GSE1: variants seen among roughly 807,000 people sequenced by gnomAD.
GSE1 encodes the protein Gse1 coiled-coil protein.
GSE1 carries 32 observed loss-of-function variants against 112.6 expected under a neutral mutation model. That is an observed-to-expected ratio of 0.28 (90% CI 0.21 to 0.38). The LOEUF is 0.38. GSE1 is among the 10% of genes least tolerant of loss of function. The pLI is 1.00. For synonymous variants in GSE1, 1,115 were observed against 735.6 expected (o/e 1.52, Z -8.35); for missense variants, 2,348 against 1,699.2 (o/e 1.38, Z -6.71).
intron 2 of GSE1, among the ~76,000 whole-genome samples, chr16:85,530,348 TC>T (rs1055528373): frequency 4.6e-5 from 7 of 152,224 alleles, no homozygotes; most frequent in African/African-American, 1.4e-4. Context: ...ATGTATCTCC[TC>T]CCCGGTGATG....
intron 2 of GSE1, among the ~76,000 whole-genome samples, chr16:85,411,118 G>A (rs36156932): frequency 5.5e-5 from 5 of 90,306 alleles, no homozygotes; most frequent in African/African-American, 1.2e-4. Context: ...CAGGCCCCCC[G>A]GATAATCCTC....
rs1290541396 is a variant in GSE1 at position 85,304,601 on chromosome 16, C to CGGGGG, written c.2284-52859_2284-52855dup. Among the ~76,000 whole-genome samples the CGGGGG allele has an allele frequency of 3.4e-3, 265 of 78,164 alleles. 9 individuals are homozygous for CGGGGG. The highest frequency in any genetic ancestry group is 5.8e-3 in the South Asian group (8 of 1,374). 51.3% of individuals were successfully genotyped at this position (78,164 alleles called of 152,430 possible). On this transcript the variant is annotated intron_variant, in intron 1 of 2. Coordinates refer to the GSE1 transcript ENST00000637419. ...TGCATGGCAGCTGCCAAGCCGGGGG[C>CGGGGG]GGGGGGGTGGGGCATCCCTTTTGCC...
intron 2 of GSE1, among the ~76,000 whole-genome samples, chr16:85,410,952 C>T (rs1222170242): frequency 2.7e-5 from 3 of 110,192 alleles, no homozygotes; most frequent in Admixed American, 9.3e-5. Context: ...ACTCAGGCCC[C>T]CGGATAATCC....
rs1035918535 is a variant in GSE1 at position 85,356,220 on chromosome 16, C to T, written c.2284-1243C>T. On this transcript the variant is annotated intron_variant, in intron 1 of 2. Coordinates refer to the GSE1 transcript ENST00000637419. ...TCGTCACCATCAGCATCCCCATCATCGTCGTCGTCATGGTAGTTCTTGCTC... is the reference window on the plus strand; with the variant it reads ...TCGTCACCATCAGCATCCCCATCATTGTCGTCGTCATGGTAGTTCTTGCTC... 5.9e-5 allele frequency among the ~76,000 whole-genome samples: 9 copies of T among 152,206 alleles called. No individual in the cohort carries two copies. The South Asian group carries it at 8.3e-4, about 14-fold the overall frequency.
intron 1 of GSE1, among the ~76,000 whole-genome samples, chr16:85,187,570 A>G (rs565097270): frequency 2.6e-5 from 4 of 152,242 alleles, no homozygotes; most frequent in Non-Finnish European, 4.4e-5. Flanking sequence ...TTCCTGTGAC[A>G]GAGAAACCCA....
intron 2 of GSE1, among the ~76,000 whole-genome samples, chr16:85,390,897 G>A (rs1288872930): frequency 6.6e-6 from 1 of 152,256 alleles, no homozygotes; most frequent in Non-Finnish European, 1.5e-5. Context: ...GATGCGTCAT[G>A]CTGGCAGAAT....
At position 85,172,293 on chromosome 16, in the gene GSE1, C is replaced by T. The variant is rs565285384; in HGVS notation, c.2283+486C>T. On this transcript the variant is annotated intron_variant, in intron 1 of 2. Coordinates refer to the GSE1 transcript ENST00000637419. ...GCTTGGCTTTTCCAGAGTTTTCCAC[C>T]TAAGTTCACACTGTTCTTTTGAGAC... Among the ~76,000 whole-genome samples the T allele has an allele frequency of 1.2e-4, 19 of 152,296 alleles. 1 individual carries two copies. In the East Asian group the frequency reaches 3.7e-3, roughly 29 times the overall value.
At chr16:85,638,036 C>T (rs1043368442) in intron 2 of GSE1, among the ~76,000 whole-genome samples, 6 of 152,212 alleles carry the variant, frequency 3.9e-5, no homozygotes, top group Non-Finnish European at 5.9e-5. Flanking sequence ...CGCGGCCCCT[C>T]CTCTGGGTGC....
intron 2 of GSE1, among the ~76,000 whole-genome samples, chr16:85,422,380 G>A (rs1452836404): frequency 6.7e-6 from 1 of 148,370 alleles, no homozygotes; most frequent in Admixed American, 6.7e-5. Context: ...GGGGGGGGGT[G>A]CCCCTGTGGA....
intron 15 of GSE1, among the ~76,000 whole-genome samples, chr16:85,671,328 T>C (rs2053313392): frequency 6.7e-6 from 1 of 149,498 alleles, no homozygotes; most frequent in Non-Finnish European, 1.5e-5. Flanking sequence ...TAGTCCCAGC[T>C]ACTTGGGAGG....
intron 1 of GSE1, among the ~76,000 whole-genome samples, chr16:85,274,930 C>T (rs1909207309): frequency 6.6e-6 from 1 of 152,254 alleles, no homozygotes. Context: ...GCCCCTCCTG[C>T]TGTTCTTGGA....
intron 1 of GSE1, among the ~76,000 whole-genome samples, chr16:85,199,010 T>C (rs2074979961): frequency 6.6e-6 from 1 of 151,924 alleles, no homozygotes; most frequent in Admixed American, 6.6e-5. Flanking sequence ...AGTGGCGTGA[T>C]CTTGGTTCAC....
chr16:85,286,987 C>A (rs1338023893), intron 1 of GSE1, among the ~76,000 whole-genome samples: 1 of 152,236 alleles, frequency 6.6e-6, no homozygotes, highest in African/African-American at 2.4e-5. Context: ...GCCGCGGGCT[C>A]CAGCGGGTCA....
chr16:85,322,940 A>C (rs751242451), intron 1 of GSE1, among the ~76,000 whole-genome samples: 2 of 152,166 alleles, frequency 1.3e-5, no homozygotes, highest in Non-Finnish European at 2.9e-5. Context: ...GAGGAAACTG[A>C]GGCTCAGACG....
Position 85,657,323 on chromosome 16 carries a change from C to T in GSE1, c.1359C>T (p.His453=). 1 of 1,604,784 alleles carries T rather than the reference C, an allele frequency of 6.2e-7. No homozygotes were observed. The highest frequency in any genetic ancestry group is 8.5e-7 in the Non-Finnish European group (1 of 1,176,300). The change falls in exon 8 of 16, where the codon CAC becomes CAT. Residue 453 remains histidine (H), a synonymous_variant. Coordinates refer to ENST00000253458, the MANE Select transcript of GSE1 (RefSeq NM_014615.5). ...TGCAGGCGCCCAAGCCCGTCCAACACCCCTTGCATCCGGTGCCCACCCCAC... is the reference window on the plus strand; with the variant it reads ...TGCAGGCGCCCAAGCCCGTCCAACATCCCTTGCATCCGGTGCCCACCCCAC... ...AGLQAPKPVQ[H]PLHPVPTPHH...
At chr16:85,438,362 A>C (rs1456192730) in intron 2 of GSE1, among the ~76,000 whole-genome samples, 1 of 151,916 alleles carries the variant, frequency 6.6e-6, no homozygotes, top group Non-Finnish European at 1.5e-5. Context: ...GCCTCTGGGG[A>C]GGGACAGGAG....
intron 2 of GSE1, among the ~76,000 whole-genome samples, chr16:85,531,408 A>G (rs564038052): frequency 6.6e-5 from 10 of 152,018 alleles, no homozygotes; most frequent in Non-Finnish European, 1.3e-4. Flanking sequence ...ACGGATGAGC[A>G]CAGACTCTCG....
intron 1 of GSE1, among the ~76,000 whole-genome samples, chr16:85,211,007 C>G (rs2075215150): frequency 6.6e-6 from 1 of 152,244 alleles, no homozygotes; most frequent in African/African-American, 2.4e-5. Flanking sequence ...CAGGTGAGGA[C>G]TGTGCCACTT....
intron 2 of GSE1, among the ~76,000 whole-genome samples, chr16:85,475,389 G>C (rs1200329039): frequency 6.6e-6 from 1 of 152,238 alleles, no homozygotes; most frequent in Non-Finnish European, 1.5e-5. Flanking sequence ...GGCTAGGGCG[G>C]GATGCAGGCA....
Sources: gnomAD v4.1 joint callset for allele counts (sites outside exome capture counted in the v4.1 genomes callset) on GRCh38, gnomAD v4.1.1 for gene constraint, MANE v1.5 for transcripts, NCBI Gene and HGNC (gene_info 2026-07-23, HGNC 2026-07-21) for gene names.